Variants in DPYS observed in about 807,000 individuals in gnomAD.
DPYS encodes dihydropyrimidinase, also known as dihydropyrimidine amidohydrolase.
DPYS carries 39 observed loss-of-function variants against 50.3 expected under a neutral mutation model. The ratio of observed to expected loss-of-function variants is 0.78; its 90% confidence interval spans 0.60 to 1.01. DPYS has a LOEUF of 1.01. Among genes scored for constraint, DPYS ranks in the 50% least tolerant of loss-of-function variants. DPYS has a pLI of 0.00. For missense variants in DPYS, 659 were observed against 680.9 expected (o/e 0.97, Z 0.36); for synonymous variants, 245 against 250.7 (o/e 0.98, Z 0.22).
chr8:104,448,770 A>G (rs1813628312), intron 2 of DPYS, among the ~76,000 whole-genome samples: 1 of 152,240 alleles, frequency 6.6e-6, no homozygotes, highest in African/African-American at 2.4e-5. Flanking sequence ...TGCAAAATAA[A>G]GCAGCGTAAT....
intron 8 of DPYS, 55 bp downstream of exon 8, chr8:104,392,729 T>A: frequency 3.7e-6 from 6 of 1,604,436 alleles, no homozygotes; most frequent in Non-Finnish European, 5.1e-6. Flanking sequence ...CAGCCAGACA[T>A]CCAGAAGCAG....
intron 7 of DPYS, chr8:104,418,903 G>C: frequency 2.0e-6 from 1 of 509,956 alleles, no homozygotes; most frequent in Non-Finnish European, 2.5e-6. Context: ...GGCAGGGTGT[G>C]GCTGTTGTAT....
intron 6 of DPYS, among the ~76,000 whole-genome samples, chr8:104,425,485 TTA>T (rs1181246859): frequency 6.6e-6 from 1 of 150,986 alleles, no homozygotes; most frequent in African/African-American, 2.4e-5. Flanking sequence ...GGCTAATTTT[TTA>T]TAGAGATGGG....
chr8:104,454,612 T>C (rs1292494464), intron 1 of DPYS, among the ~76,000 whole-genome samples: 1 of 152,202 alleles, frequency 6.6e-6, no homozygotes, highest in Non-Finnish European at 1.5e-5. Flanking sequence ...GATTCTGCCC[T>C]CAGGGTGTTT....
chr8:104,416,870 C>T (rs572055877), intron 7 of DPYS, among the ~76,000 whole-genome samples: 19 of 152,268 alleles, frequency 1.2e-4, no homozygotes, highest in African/African-American at 3.6e-4. Context: ...TCCCTCCCCA[C>T]GCCCTACAAT....
At chr8:104,386,902 A>G (rs1183099602) in intron 8 of DPYS, among the ~76,000 whole-genome samples, 2 of 152,198 alleles carry the variant, frequency 1.3e-5, no homozygotes, top group South Asian at 2.1e-4. Context: ...TGCTGGGATT[A>G]CAGGTGTGAG....
At chr8:104,464,927 A>G (rs1351767474) in intron 1 of DPYS, among the ~76,000 whole-genome samples, 2 of 152,230 alleles carry the variant, frequency 1.3e-5, no homozygotes, top group Non-Finnish European at 2.9e-5. Context: ...ATGAATAAAC[A>G]AAACAAAGTT....
intron 7 of DPYS, among the ~76,000 whole-genome samples, chr8:104,422,494 C>T (rs532770673): frequency 6.6e-6 from 1 of 152,246 alleles, no homozygotes; most frequent in Non-Finnish European, 1.5e-5. Context: ...TGTACAGCTA[C>T]CGTTTTCTCA....
chr8:104,417,820 C>T (rs1015218290), intron 7 of DPYS, among the ~76,000 whole-genome samples: 3 of 152,326 alleles, frequency 2.0e-5, no homozygotes, highest in African/African-American at 2.4e-5. Context: ...AATCTTTCAT[C>T]AGGATGTCCA....
intron 2 of DPYS, among the ~76,000 whole-genome samples, chr8:104,447,957 C>T (rs531856759): frequency 6.6e-6 from 1 of 152,230 alleles, no homozygotes; most frequent in South Asian, 2.1e-4. Flanking sequence ...GTAGAAGATG[C>T]AGATGGACCC....
intron 8 of DPYS, among the ~76,000 whole-genome samples, chr8:104,390,477 T>C (rs1588399390): frequency 6.6e-6 from 1 of 151,768 alleles, no homozygotes; most frequent in Non-Finnish European, 1.5e-5. Flanking sequence ...TCTTAATTTC[T>C]TGAAGCTTCA....
In DPYS at chr8:104,441,590, G is replaced by A. The variant is rs147738458; in HGVS notation, c.793+2658C>T. ...ATCTCAACCCATTGTGGCTGGTGCC[G>A]AAGATGGAGGAAGGGGCCACGAGCC... On this transcript the variant is annotated intron_variant, in intron 4 of 9. Transcript: ENST00000351513. Among the ~76,000 whole-genome samples, 607 of 152,288 alleles carry A rather than the reference G, an allele frequency of 4.0e-3. 5 individuals are homozygous for A. Among genetic ancestry groups the A allele is most frequent in the African/African-American group, 0.014 (581 of 41,566 alleles).
At chr8:104,451,170 T>A in intron 2 of DPYS, 76 bp downstream of exon 2, 4 of 1,584,756 alleles carry the variant, frequency 2.5e-6, no homozygotes, top group Non-Finnish European at 3.5e-6. Context: ...AAGCAATCAA[T>A]GTCACCAGTT....
chr8:104,393,107 G>T (rs533589874), intron 7 of DPYS, 116 bp from the exon 8 acceptor site: 2 of 846,460 alleles, frequency 2.4e-6, no homozygotes, highest in South Asian at 3.1e-5. Flanking sequence ...TTAAGTCATA[G>T]CTTCATCACT....
At chr8:104,465,441 T>C (rs1307373000) in intron 1 of DPYS, among the ~76,000 whole-genome samples, 1 of 152,198 alleles carries the variant, frequency 6.6e-6, no homozygotes, top group Non-Finnish European at 1.5e-5. Flanking sequence ...ATCTTCACTT[T>C]GGAAGGAGCC....
Position 104,428,048 on chromosome 8 carries a change from A to G in DPYS, c.1024T>C (p.Phe342Leu). The change falls in exon 6 of 10, where the codon TTT (phenylalanine) becomes CTT (leucine). Residue 342 changes from phenylalanine (F) to leucine (L), a missense_variant. By Grantham distance (22) the Phe-to-Leu change is conservative. Transcript: ENST00000351513. ...TCQKALGKDD[F>L]TKIPNGVNGV... ...TTCACCCCATTGGGGATCTTGGTAAAATCATCCTTCCCAAGAGCTTTCTGG... is the reference window on the plus strand; with the variant it reads ...TTCACCCCATTGGGGATCTTGGTAAGATCATCCTTCCCAAGAGCTTTCTGG... The G allele has an allele frequency of 6.2e-7, 1 of 1,614,222 alleles. No individual in the cohort carries two copies. Among genetic ancestry groups the G allele is most frequent in the South Asian group, 1.1e-5 (1 of 91,086 alleles).
At chr8:104,385,686 G>C (rs1265005769) in intron 8 of DPYS, among the ~76,000 whole-genome samples, 1 of 152,198 alleles carries the variant, frequency 6.6e-6, no homozygotes, top group Non-Finnish European at 1.5e-5. Context: ...TTGAGAGATG[G>C]TTAGGCCATG....
Position 104,466,802 on chromosome 8 carries a change from A to C in DPYS, c.119T>G (p.Leu40Arg). The change falls in exon 1 of 10, where the codon CTG becomes CGG. Residue 40 changes from leucine (L) to arginine (R), a missense_variant. Leu to Arg is a moderately radical substitution (Grantham distance 102, BLOSUM62 -2). Transcript: ENST00000351513. ...CCCCGCAGGAGCGCCCCCGGGAGGCAGCAGGTCGTGCCCGAGTGCCCGCAC... is the reference window on the plus strand; with the variant it reads ...CCCCGCAGGAGCGCCCCCGGGAGGCCGCAGGTCGTGCCCGAGTGCCCGCAC... ...GVVRALGHDLLPPGGAPAGLR... is the reference protein window; with the variant it reads ...GVVRALGHDLRPPGGAPAGLR... 6.5e-7 allele frequency: 1 copy of C among 1,534,264 alleles called. No individual in the cohort carries two copies. Among genetic ancestry groups the C allele is most frequent in the Non-Finnish European group, 8.7e-7 (1 of 1,145,774 alleles).
chr8:104,400,216 G>T (rs1811748201), intron 7 of DPYS, among the ~76,000 whole-genome samples: 1 of 152,122 alleles, frequency 6.6e-6, no homozygotes, highest in Non-Finnish European at 1.5e-5. Context: ...ACCAGGGTTT[G>T]CAACCAAAGT....
Sources: allele counts gnomAD v4.1 joint callset (sites outside exome capture counted in the v4.1 genomes callset), GRCh38; gene constraint gnomAD v4.1.1; transcripts MANE v1.5; gene names NCBI Gene and HGNC (gene_info 2026-07-23, HGNC 2026-07-21).